The following SHLD2 variants were observed in gnomAD, a reference collection of about 807,000 sequenced individuals.
SHLD2 encodes the protein RINN1-REV7-interacting novel NHEJ regulator 2.
A neutral mutation model predicts 73.2 loss-of-function variants in SHLD2; 30 were observed. The observed-to-expected ratio is 0.41, with a 90% CI of 0.31 to 0.56. SHLD2 has a LOEUF of 0.56. Ranked by LOEUF, SHLD2 falls within the 20% of genes least tolerant of loss-of-function variation. The pLI is 0.28. For missense variants in SHLD2, 745 were observed against 1,055.9 expected (o/e 0.71, Z 4.08); for synonymous variants, 285 against 370.1 (o/e 0.77, Z 2.64).
chr10:87,118,991 T>TA (rs1276275251), intron 2 of SHLD2, among the ~76,000 whole-genome samples: 4 of 151,886 alleles, frequency 2.6e-5, no homozygotes, highest in Non-Finnish European at 4.4e-5. Context: ...AGACAGTTCA[T>TA]ACAGTATCTG....
At chr10:87,120,815 A>C (rs1288197343) in intron 2 of SHLD2, among the ~76,000 whole-genome samples, 1 of 151,854 alleles carries the variant, frequency 6.6e-6, no homozygotes, top group Admixed American at 6.6e-5. Context: ...GCACTTTGGG[A>C]GGCCGAGGTG....
intron 2 of SHLD2, among the ~76,000 whole-genome samples, chr10:87,143,726 A>G (rs1845370769): frequency 1.3e-5 from 2 of 152,204 alleles, no homozygotes; most frequent in South Asian, 4.1e-4. Context: ...TTAACTAGGA[A>G]TACCATATAG....
intron 2 of SHLD2, among the ~76,000 whole-genome samples, chr10:87,105,682 C>T (rs1842550187): frequency 6.6e-6 from 1 of 152,352 alleles, no homozygotes; most frequent in Non-Finnish European, 1.5e-5. Flanking sequence ...GTTACACATT[C>T]AGCCAGTTTG....
At chr10:87,114,730 A>C (rs917589711) in intron 2 of SHLD2, among the ~76,000 whole-genome samples, 4 of 152,092 alleles carry the variant, frequency 2.6e-5, no homozygotes, top group Non-Finnish European at 5.9e-5. Context: ...GTCTCAAAAA[A>C]ACAAAAACAA....
At position 87,163,961 on chromosome 10, in the gene SHLD2, CT is replaced by C. The variant is rs201405790; in HGVS notation, c.1633+5820del. On this transcript the variant is annotated intron_variant, in intron 4 of 9. Transcript: ENST00000298786. ...ATTTTCTTTTCTTTTCTTTTCTTTTCTTTTTTTTTTTTTTGAGATGGACTCT... is the reference window on the plus strand; with the variant it reads ...ATTTTCTTTTCTTTTCTTTTCTTTTCTTTTTTTTTTTTTGAGATGGACTCT... Among the ~76,000 whole-genome samples, 176 of 117,856 alleles carry C rather than the reference CT, an allele frequency of 1.5e-3. 1 individual carries two copies. Among genetic ancestry groups the C allele is most frequent in the African/African-American group, 2.7e-3 (84 of 31,692 alleles). The allele number at this position is 117,856 out of a possible 152,430, so 77.3% of individuals were successfully genotyped here. A position where few individuals can be genotyped will look rare whatever the true frequency, so the allele number is the denominator to read the frequency against.
At chr10:87,172,677 A>T (rs1420401227) in intron 6 of SHLD2, among the ~76,000 whole-genome samples, 1 of 152,042 alleles carries the variant, frequency 6.6e-6, no homozygotes, top group Non-Finnish European at 1.5e-5. Flanking sequence ...AATAAAAAAA[A>T]ATTGGATTGT....
chr10:87,184,066 T>C (rs1848470303), intron 8 of SHLD2, among the ~76,000 whole-genome samples: 1 of 152,224 alleles, frequency 6.6e-6, no homozygotes, highest in Admixed American at 6.5e-5. Flanking sequence ...ATACCCACAA[T>C]AGACTCTTGT....
At chr10:87,181,471 C>A (rs1848311112) in intron 8 of SHLD2, among the ~76,000 whole-genome samples, 1 of 152,170 alleles carries the variant, frequency 6.6e-6, no homozygotes, top group African/African-American at 2.4e-5. Context: ...GTATAGGTGA[C>A]TTATTTATGT....
chr10:87,168,304 G>A (rs990707566), intron 4 of SHLD2, among the ~76,000 whole-genome samples: 1 of 152,094 alleles, frequency 6.6e-6, no homozygotes, highest in African/African-American at 2.4e-5. Context: ...GCCATAAAAA[G>A]GAATGAAATC....
At chr10:87,099,720 A>G (rs563286037) in intron 2 of SHLD2, among the ~76,000 whole-genome samples, 1 of 152,210 alleles carries the variant, frequency 6.6e-6, no homozygotes, top group Non-Finnish European at 1.5e-5. Flanking sequence ...AAACTTTTCC[A>G]CAGTGGCTAC....
At chr10:87,094,722 G>A, upstream of SHLD2, 1 of 1,513,320 alleles carries the variant, frequency 6.6e-7, no homozygotes, top group Non-Finnish European at 8.8e-7. This position sits in a 1 kb window ranked among gnomAD's most constrained non-coding sequence, Gnocchi z 6.6. Flanking sequence ...CCAGGGCAGC[G>A]GGCCCGGCCC....
intron 2 of SHLD2, among the ~76,000 whole-genome samples, chr10:87,145,064 C>T (rs1355005108): frequency 1.3e-5 from 2 of 150,142 alleles, no homozygotes; most frequent in Non-Finnish European, 3.0e-5. Context: ...CCTCAGCCTC[C>T]CGAGTAGCTG....
intron 4 of SHLD2, among the ~76,000 whole-genome samples, chr10:87,158,701 T>C (rs1846606743): frequency 6.6e-6 from 1 of 152,170 alleles, no homozygotes; most frequent in African/African-American, 2.4e-5. Flanking sequence ...AAAGAAGCTG[T>C]TTAATGAGGA....
intron 1 of SHLD2, 94 bp downstream of exon 1, chr10:87,095,342 G>C (rs571380515): frequency 1.3e-5 from 2 of 152,150 alleles, no homozygotes; most frequent in Non-Finnish European, 2.9e-5. Flanking sequence ...CAGAGGCCGA[G>C]TCCCCCCGAG....
chr10:87,147,522 A>T (rs1845707959), intron 2 of SHLD2, among the ~76,000 whole-genome samples: 1 of 152,024 alleles, frequency 6.6e-6, no homozygotes, highest in South Asian at 2.1e-4. Context: ...GAAAGGTTGC[A>T]GAACATTTAG....
intron 3 of SHLD2, among the ~76,000 whole-genome samples, chr10:87,156,294 T>C (rs1165986030): frequency 6.6e-6 from 1 of 152,134 alleles, no homozygotes; most frequent in Non-Finnish European, 1.5e-5. Flanking sequence ...CTCGAACTCC[T>C]GACCTTGTGA....
rs1413370242 is a variant in SHLD2, at chr10:87,105,533, A to G, written c.-6+8544A>G. On this transcript the variant is annotated intron_variant, in intron 2 of 9. Transcript: ENST00000298786. ...AGGATGCCTTGACCCTCGAGTAGCA[A>G]TATCCAAATAAAAATGGCTTAAAGG... Among the ~76,000 whole-genome samples the G allele has an allele frequency of 2.0e-5, 3 of 152,204 alleles. No individual in the cohort carries two copies. In the East Asian group the frequency reaches 5.8e-4, roughly 29 times the overall value.
intron 2 of SHLD2, among the ~76,000 whole-genome samples, chr10:87,148,252 C>G (rs1845760557): frequency 6.6e-6 from 1 of 152,158 alleles, no homozygotes; most frequent in Admixed American, 6.5e-5. Context: ...TAGCATAATG[C>G]CCAGCACGTA....
At position 87,152,024 on chromosome 10, in the gene SHLD2, T is replaced by C; in HGVS notation, c.670T>C (p.Ser224Pro). The stretch of plus-strand genomic sequence containing the variant: ...CTCGAACGCAGTAGATAAGTCAAGG[T>C]CTGAAGCAGCAGTTAGGAAGGTCTC... ...FSSNAVDKSR[S>P]EAAVRKVSDL... is the part of the protein sequence containing the mutation. Residue 224 changes from serine (S) to proline (P), a missense_variant, in exon 3 of 10, where the codon TCT (serine) becomes CCT (proline). By Grantham distance (74) the Ser-to-Pro change is moderately conservative. Coordinates refer to ENST00000298786, the MANE Select transcript of SHLD2 (RefSeq NM_001330112.2). 6.2e-7 allele frequency: 1 copy of C among 1,611,862 alleles called. No homozygotes were observed. The highest frequency in any genetic ancestry group is 2.2e-5 in the East Asian group (1 of 44,872).
Sources: allele counts gnomAD v4.1 joint callset (sites outside exome capture counted in the v4.1 genomes callset), GRCh38; gene constraint gnomAD v4.1.1; non-coding constraint Gnocchi (gnomAD v3.1); transcripts MANE v1.5; gene names NCBI Gene and HGNC (gene_info 2026-07-23, HGNC 2026-07-21).